CYP7B1: variants seen among roughly 807,000 people sequenced by gnomAD.
CYP7B1 encodes cytochrome P450 7B1.
CYP7B1 carries 29 observed loss-of-function variants against 42.7 expected under a neutral mutation model. The ratio of observed to expected loss-of-function variants is 0.68; its 90% CI spans 0.51 to 0.93. The LOEUF (loss-of-function observed/expected upper bound fraction) is 0.93, where lower values mean the gene tolerates loss of function less well. Among genes scored for constraint, CYP7B1 ranks in the 40% least tolerant of loss-of-function variants. The pLI is 0.00. For missense variants in CYP7B1, 655 were observed against 600.5 expected (o/e 1.09, Z -0.95); for synonymous variants, 235 against 218.2 (o/e 1.08, Z -0.68).
At chr8:64,786,024 G>T (rs1804520535) in intron 1 of CYP7B1, among the ~76,000 whole-genome samples, 1 of 152,092 alleles carries the variant, frequency 6.6e-6, no homozygotes, top group Non-Finnish European at 1.5e-5. Context: ...ACACTATCAT[G>T]AGAACATTAT....
intron 1 of CYP7B1, among the ~76,000 whole-genome samples, chr8:64,637,173 A>C (rs767196389): frequency 4.6e-5 from 7 of 152,116 alleles, no homozygotes; most frequent in Non-Finnish European, 1.0e-4. Flanking sequence ...TGGAGAAACA[A>C]AGTTCCAAAT....
In CYP7B1 at chr8:64,592,881, A is replaced by G. The variant is rs1805057706; in HGVS notation, c.*3761T>C. On this transcript the variant is annotated 3_prime_UTR_variant, in exon 6 of 6. Transcript: ENST00000310193. ...ATCTTTTAACTGATTTGTCCAGGAC[A>G]TGTTTTTCTATTTGTAAATACTATT... is the stretch of plus-strand genomic sequence containing the variant. 6.6e-6 allele frequency among the ~76,000 whole-genome samples: 1 copy of G among 152,204 alleles called. No homozygotes were observed. The highest frequency in any genetic ancestry group is 1.5e-5 in the Non-Finnish European group (1 of 68,032).
At chr8:64,679,021 C>G (rs2129631894) in intron 1 of CYP7B1, among the ~76,000 whole-genome samples, 1 of 152,102 alleles carries the variant, frequency 6.6e-6, no homozygotes, top group Non-Finnish European at 1.5e-5. Context: ...ATATATATGA[C>G]AGTCCTTGTA....
In CYP7B1 at chr8:64,798,736, T is replaced by G; in HGVS notation, c.-149A>C. ...CCTGCCCGCAGCGCAGACAGGAATGTCACCGTGGTCTCCCAGGCTGAATGA... is the reference window on the plus strand; with the variant it reads ...CCTGCCCGCAGCGCAGACAGGAATGGCACCGTGGTCTCCCAGGCTGAATGA... On this transcript the variant is annotated 5_prime_UTR_variant, in exon 1 of 6. Coordinates refer to ENST00000310193, the MANE Select transcript of CYP7B1 (RefSeq NM_004820.5). 1 of 830,266 alleles carries G rather than the reference T, an allele frequency of 1.2e-6. No individual in the cohort carries two copies. Among genetic ancestry groups the G allele is most frequent in the South Asian group, 2.2e-5 (1 of 45,462 alleles). 51.4% of individuals were successfully genotyped at this position (830,266 alleles called of 1,614,324 possible). A position where few individuals can be genotyped will look rare whatever the true frequency, so the allele number is the denominator to read the frequency against.
intron 5 of CYP7B1, among the ~76,000 whole-genome samples, chr8:64,599,767 T>G (rs1805174369): frequency 6.6e-6 from 1 of 152,194 alleles, no homozygotes; most frequent in South Asian, 2.1e-4. Flanking sequence ...GAAAAATCTA[T>G]GGGGACATCT....
At chr8:64,588,035 C>T (rs961640764), downstream of CYP7B1, among the ~76,000 whole-genome samples, 5 of 152,134 alleles carry the variant, frequency 3.3e-5, no homozygotes, top group Non-Finnish European at 5.9e-5. Flanking sequence ...GTCTCCTCAA[C>T]CTGATTCAGA....
intron 1 of CYP7B1, among the ~76,000 whole-genome samples, chr8:64,667,266 T>TTCCC (rs1806295085): frequency 6.6e-6 from 1 of 152,148 alleles, no homozygotes; most frequent in Non-Finnish European, 1.5e-5. Context: ...TGAAGTAAGT[T>TTCCC]TCCCCTAAGT....
rs143069067 is a variant in CYP7B1, at chr8:64,731,411, C to A, written c.122+67055G>T. ...TATGTTTTAGCAAAGAGACTGGCAG[C>A]ATTTTGCCCCTGCCCTCGAGATCTA... On this transcript the variant is annotated intron_variant, in intron 1 of 5. Coordinates refer to ENST00000310193, the MANE Select transcript of CYP7B1 (RefSeq NM_004820.5). Among the ~76,000 whole-genome samples the A allele has an allele frequency of 1.2e-3, 189 of 152,210 alleles. 3 individuals carry two copies. In the East Asian group the frequency reaches 0.027, roughly 22 times the overall value.
intron 1 of CYP7B1, among the ~76,000 whole-genome samples, chr8:64,740,150 T>G (rs1476315502): frequency 6.6e-6 from 1 of 152,018 alleles, no homozygotes; most frequent in East Asian, 1.9e-4. Context: ...CAGAGAACAC[T>G]TAACAAGACA....
At chr8:64,678,851 T>G (rs1284918727) in intron 1 of CYP7B1, among the ~76,000 whole-genome samples, 1 of 151,462 alleles carries the variant, frequency 6.6e-6, no homozygotes, top group African/African-American at 2.4e-5. Flanking sequence ...TTGTGGAATT[T>G]GAGGGAATTG....
intron 1 of CYP7B1, among the ~76,000 whole-genome samples, chr8:64,671,522 C>T (rs573888167): frequency 1.3e-5 from 2 of 152,092 alleles, no homozygotes; most frequent in African/African-American, 4.8e-5. Context: ...AAGGGGTGGG[C>T]CTCATGTAAT....
At chr8:64,675,800 C>A (rs1413813053) in intron 1 of CYP7B1, among the ~76,000 whole-genome samples, 1 of 152,134 alleles carries the variant, frequency 6.6e-6, no homozygotes, top group Non-Finnish European at 1.5e-5. Context: ...TAGGTCCTGA[C>A]TAAGGGTTCA....
intron 1 of CYP7B1, among the ~76,000 whole-genome samples, chr8:64,689,911 C>T (rs1806713062): frequency 6.6e-6 from 1 of 152,090 alleles, no homozygotes; most frequent in Non-Finnish European, 1.5e-5. Flanking sequence ...GAAAACGCTT[C>T]AAATAAATTA....
intron 1 of CYP7B1, among the ~76,000 whole-genome samples, chr8:64,670,069 A>C (rs542353215): frequency 6.6e-6 from 1 of 152,342 alleles, no homozygotes; most frequent in East Asian, 1.9e-4. Context: ...CTGCAAGGAC[A>C]CAATTGGCTT....
chr8:64,794,454 C>T (rs1804673867), intron 1 of CYP7B1, among the ~76,000 whole-genome samples: 1 of 152,186 alleles, frequency 6.6e-6, no homozygotes, highest in South Asian at 2.1e-4. Flanking sequence ...AGATTTATCT[C>T]TCACAGTTCT....
chr8:64,726,577 C>T (rs894022714), intron 1 of CYP7B1, among the ~76,000 whole-genome samples: 1 of 152,158 alleles, frequency 6.6e-6, no homozygotes. Flanking sequence ...AAGCAAGTTA[C>T]CTAGCTTCTC....
chr8:64,681,458 T>C (rs1806536989), intron 1 of CYP7B1, among the ~76,000 whole-genome samples: 3 of 152,216 alleles, frequency 2.0e-5, no homozygotes, highest in Admixed American at 6.5e-5. Context: ...TTTTCTTCCA[T>C]GTTGAACAAG....
At chr8:64,671,466 A>G (rs1174292759) in intron 1 of CYP7B1, among the ~76,000 whole-genome samples, 1 of 152,176 alleles carries the variant, frequency 6.6e-6, no homozygotes, top group Non-Finnish European at 1.5e-5. Flanking sequence ...GATATAGCCA[A>G]CATATAATCA....
Position 64,798,138 on chromosome 8 carries a change from T to C in CYP7B1, c.122+328A>G, listed in dbSNP as rs147797548. On this transcript the variant is annotated intron_variant, in intron 1 of 5. Coordinates refer to ENST00000310193, the MANE Select transcript of CYP7B1 (RefSeq NM_004820.5). ...TTCCCCTCCTGAAATGCTCTATGAA[T>C]TCTAGGCCATAAAATATCAACTCGC... 1.3e-3 allele frequency among the ~76,000 whole-genome samples: 204 copies of C among 152,326 alleles called. 1 individual carries two copies. The highest frequency in any genetic ancestry group is 6.4e-3 in the East Asian group (33 of 5,178).
Sources: gnomAD v4.1 joint callset for allele counts (sites outside exome capture counted in the v4.1 genomes callset) on GRCh38, gnomAD v4.1.1 for gene constraint, MANE v1.5 for transcripts, NCBI Gene and HGNC (gene_info 2026-07-23, HGNC 2026-07-21) for gene names.